Variants in S100G observed in about 807,000 individuals in gnomAD.
The protein encoded by S100G is protein S100-G.
A neutral mutation model predicts 4.4 loss-of-function variants in S100G; 4 were observed. The ratio of observed to expected loss-of-function variants is 0.91; its 90% CI spans 0.45 to 2.09. The LOEUF (loss-of-function observed/expected upper bound fraction) is 2.09. S100G is among the 30% of genes most tolerant of loss of function. The pLI is 0.03. For missense variants in S100G, 48 were observed against 49.8 expected, an observed-to-expected ratio of 0.96 and a Z score of 0.11; for synonymous variants, 24 against 20.1, an observed-to-expected ratio of 1.20 and a Z score of -0.53.
chrX:16,654,520 A>C lies in S100G; in HGVS notation c.*11A>C. ...AAGATATCCCAGTGAAGGAGAAAAC[A>C]AAATAGAACCCTGAGCACTGGAGGA... On this transcript the variant is annotated 3_prime_UTR_variant, in exon 3 of 3. Coordinates refer to ENST00000380200, the MANE Select transcript of S100G (RefSeq NM_004057.3). The C allele has an allele frequency of 9.5e-7, 1 of 1,058,175 alleles. No homozygotes were observed. The highest frequency in any genetic ancestry group is 3.0e-5 in the East Asian group (1 of 32,979). The allele number at this position is 1,058,175 out of a possible 1,213,427, so 87.2% of individuals were successfully genotyped here. A position where few individuals can be genotyped will look rare whatever the true frequency, so the allele number is the denominator to read the frequency against.
intron 1 of S100G, 82 bp from the exon 2 acceptor site, chrX:16,650,917 G>A: frequency 1.2e-6 from 1 of 830,827 alleles, no homozygotes; most frequent in Non-Finnish European, 1.7e-6. Flanking sequence ...TGGCCCAATG[G>A]CACTAAAATC....
Position 16,651,215 on chromosome X carries a change from G to A in S100G, c.135+74G>A, listed in dbSNP as rs184327542. On this transcript the variant is annotated intron_variant, in intron 2 of 2. Transcript: ENST00000380200. The stretch of plus-strand genomic sequence containing the variant: ...GGAGGGAGGGAGGGGAGAGGACTCC[G>A]GTAGAGCCTTATAGGGACCGTCGCT... 16 of 990,683 alleles carry A rather than the reference G, an allele frequency of 1.6e-5. No homozygotes were observed. The East Asian group carries it at 2.8e-4, about 17-fold the overall frequency. The allele number at this position is 990,683 out of a possible 1,213,427, so 81.6% of individuals were successfully genotyped here.
At chrX:16,650,921 TA>T in intron 1 of S100G, 77 bp from the exon 2 acceptor site, 2 of 919,231 alleles carry the variant, frequency 2.2e-6, no homozygotes, top group East Asian at 3.1e-5. Flanking sequence ...CCAATGGCAC[TA>T]AAATCCTGCA....
chrX:16,651,119 C>A lies in S100G; in HGVS notation c.113C>A (p.Ala38Asp). Residue 38 changes from alanine to aspartate, a missense_variant, in exon 2 of 3, where the codon GCT becomes GAT. By Grantham distance (126) the Ala-to-Asp change is moderately radical. Transcript: ENST00000380200. ...SKDELKLLIQ[A>D]EFPSLLKGPN... ...GATGAACTGAAGCTATTGATTCAGG[C>A]TGAATTCCCCAGTTTACTCAAAGTA... 2 of 1,110,305 alleles carry A rather than the reference C, an allele frequency of 1.8e-6. No individual in the cohort carries two copies. The highest frequency in any genetic ancestry group is 2.4e-6 in the Non-Finnish European group (2 of 831,753). 91.5% of individuals were successfully genotyped at this position (1,110,305 alleles called of 1,213,427 possible). A position where few individuals can be genotyped will look rare whatever the true frequency, so the allele number is the denominator to read the frequency against.
Position 16,654,666 on chromosome X carries a change from C to T in S100G, c.*157C>T. 1 of 337,846 alleles carries T rather than the reference C, an allele frequency of 3.0e-6. No homozygotes were observed. The highest frequency in any genetic ancestry group is 5.2e-6 in the Non-Finnish European group (1 of 191,539). 27.8% of individuals were successfully genotyped at this position (337,846 alleles called of 1,213,427 possible). A position where few individuals can be genotyped will look rare whatever the true frequency, so the allele number is the denominator to read the frequency against. On this transcript the variant is annotated 3_prime_UTR_variant, in exon 3 of 3. Transcript: ENST00000380200. ...TATTATTAATAAAGAAATTATTAGA[C>T]ATACCTTACTTTGTTAAGTACTGAC... is the stretch of plus-strand genomic sequence containing the variant.
Position 16,654,386 on chromosome X carries a change from C to A in S100G, c.136-19C>A, listed in dbSNP as rs1932770078. The A allele has an allele frequency of 9.3e-7, 1 of 1,073,294 alleles. No homozygotes were observed. The highest frequency in any genetic ancestry group is 1.3e-6 in the Non-Finnish European group (1 of 791,268). The allele number at this position is 1,073,294 out of a possible 1,213,427, so 88.5% of individuals were successfully genotyped here. On this transcript the variant is annotated intron_variant, in intron 2 of 2. Coordinates refer to ENST00000380200, the MANE Select transcript of S100G (RefSeq NM_004057.3). Reference sequence around the variant, plus strand: ...TTTTTTCTCCCCTCCCTTCTCCCATCCTTTTTTATGTAAAACAGGGTCCAA... The same window carrying A: ...TTTTTTCTCCCCTCCCTTCTCCCATACTTTTTTATGTAAAACAGGGTCCAA...
At position 16,651,884 on chromosome X, in the gene S100G, A is replaced by G. The variant is rs758649143; in HGVS notation, c.135+743A>G. Among the ~76,000 whole-genome samples the G allele has an allele frequency of 1.6e-3, 174 of 111,262 alleles. 1 individual carries two copies. The highest frequency in any genetic ancestry group is 5.5e-3 in the African/African-American group (168 of 30,568). ...AGCTGAGTCAGGACACTTGCCAAGGATGGTAAGGCAACTTACTCCAGGAGG... is the reference window on the plus strand; with the variant it reads ...AGCTGAGTCAGGACACTTGCCAAGGGTGGTAAGGCAACTTACTCCAGGAGG... On this transcript the variant is annotated intron_variant, in intron 2 of 2. Coordinates refer to ENST00000380200, the MANE Select transcript of S100G (RefSeq NM_004057.3).
At chrX:16,653,402 T>C (rs1396327903) in intron 2 of S100G, among the ~76,000 whole-genome samples, 2 of 112,334 alleles carry the variant, frequency 1.8e-5, no homozygotes, top group Non-Finnish European at 3.8e-5. Flanking sequence ...GTTGAAAATA[T>C]AGATTCTCCA....
At chrX:16,650,528 T>C (rs1055099366) in intron 1 of S100G, among the ~76,000 whole-genome samples, 2 of 100,729 alleles carry the variant, frequency 2.0e-5, no homozygotes, top group Non-Finnish European at 4.1e-5. Context: ...TTTTTTTTTT[T>C]TTTTTTGCAG....
At chrX:16,650,362 A>T (rs1932544228) in intron 1 of S100G, among the ~76,000 whole-genome samples, 159 bp downstream of exon 1, 1 of 111,182 alleles carries the variant, frequency 9.0e-6, no homozygotes, top group African/African-American at 3.3e-5. Flanking sequence ...GTGGTCAAGT[A>T]TTCTTCAAGA....
chrX:16,654,554 T>C lies in S100G; in HGVS notation c.*45T>C. 1 of 784,031 alleles carries C rather than the reference T, an allele frequency of 1.3e-6. No individual in the cohort carries two copies. Among genetic ancestry groups the C allele is most frequent in the Non-Finnish European group, 1.9e-6 (1 of 525,474 alleles). 64.6% of individuals were successfully genotyped at this position (784,031 alleles called of 1,213,427 possible). A position where few individuals can be genotyped will look rare whatever the true frequency, so the allele number is the denominator to read the frequency against. On this transcript the variant is annotated 3_prime_UTR_variant, in exon 3 of 3. Transcript: ENST00000380200. ...CCCTGAGCACTGGAGGAAGAGCGCC[T>C]GTGCTGTGGTCTTATCCTATGTGGA... is the stretch of plus-strand genomic sequence containing the variant.
chrX:16,651,156 G>T lies in S100G; in HGVS notation c.135+15G>T, dbSNP rs764711364. The stretch of plus-strand genomic sequence containing the variant: ...GTTTACTCAAAGTAAGTGGCCATCC[G>T]CAGAGCCCACTTAATGGGACTGATG... On this transcript the variant is annotated intron_variant, in intron 2 of 2. Coordinates refer to ENST00000380200, the MANE Select transcript of S100G (RefSeq NM_004057.3). 22 of 811,936 alleles carry T rather than the reference G, an allele frequency of 2.7e-5. No individual in the cohort carries two copies. Among genetic ancestry groups the T allele is most frequent in the Non-Finnish European group, 3.4e-5 (20 of 588,942 alleles). 66.9% of individuals were successfully genotyped at this position (811,936 alleles called of 1,213,427 possible).
intron 2 of S100G, among the ~76,000 whole-genome samples, chrX:16,652,092 A>C (rs1932674163): frequency 2.7e-5 from 3 of 111,881 alleles, no homozygotes; most frequent in South Asian, 7.5e-4. Flanking sequence ...TTGCCTTGAT[A>C]GGATTCTAGC....
At chrX:16,653,973 A>C (rs943495068) in intron 2 of S100G, among the ~76,000 whole-genome samples, 2 of 110,964 alleles carry the variant, frequency 1.8e-5, no homozygotes, top group African/African-American at 6.6e-5. Flanking sequence ...GCCTCATGTA[A>C]TATGTCAGCC....
intron 2 of S100G, among the ~76,000 whole-genome samples, chrX:16,651,993 G>A (rs1932664691): frequency 9.2e-6 from 1 of 108,721 alleles, no homozygotes; most frequent in Non-Finnish European, 1.9e-5. Context: ...AAGGATAAGT[G>A]GGGGTTTATG....
chrX:16,651,106 C>T lies in S100G; in HGVS notation c.100C>T (p.Leu34=). ...CCAGTTGTCAAAGGATGAACTGAAG[C>T]TATTGATTCAGGCTGAATTCCCCAG... ...PDQLSKDELK[L]LIQAEFPSLL... is the part of the protein sequence containing the mutation. The change falls in exon 2 of 3, where the codon CTA becomes TTA. Residue 34 remains leucine (L), a synonymous_variant. Coordinates refer to ENST00000380200, the MANE Select transcript of S100G (RefSeq NM_004057.3). 8.8e-7 allele frequency: 1 copy of T among 1,139,109 alleles called. No individual in the cohort carries two copies. Among genetic ancestry groups the T allele is most frequent in the Non-Finnish European group, 1.2e-6 (1 of 850,215 alleles). 93.9% of individuals were successfully genotyped at this position (1,139,109 alleles called of 1,213,427 possible).
At chrX:16,650,892 T>C (rs1271009274) in intron 1 of S100G, 107 bp from the exon 2 acceptor site, 4 of 632,302 alleles carry the variant, frequency 6.3e-6, no homozygotes, top group African/African-American at 4.5e-5. Context: ...TTCTTCCCCA[T>C]TTATGCCAAG....
chrX:16,651,255 T>C (rs1198589195), intron 2 of S100G, 114 bp downstream of exon 2: 7 of 701,774 alleles, frequency 1.0e-5, no homozygotes, highest in Non-Finnish European at 1.5e-5. Flanking sequence ...GGAGGACACA[T>C]GCAGGTGGGG....
chrX:16,654,067 C>T (rs1221770997), intron 2 of S100G, among the ~76,000 whole-genome samples: 1 of 112,055 alleles, frequency 8.9e-6, no homozygotes, highest in African/African-American at 3.2e-5. Flanking sequence ...CGTGGGCAAT[C>T]CAGTGAAGCC....
Sources: allele counts gnomAD v4.1 joint callset (sites outside exome capture counted in the v4.1 genomes callset), GRCh38; gene constraint gnomAD v4.1.1; transcripts MANE v1.5; gene names NCBI Gene and HGNC (gene_info 2026-07-23, HGNC 2026-07-21).